The following ANKRD30B variants were observed in gnomAD, a reference collection of about 807,000 sequenced individuals.
The protein encoded by ANKRD30B is ankyrin repeat domain-containing protein 30B.
A neutral mutation model predicts 202.2 loss-of-function variants in ANKRD30B; 144 were observed. The ratio of observed to expected loss-of-function variants is 0.71; its 90% confidence interval spans 0.62 to 0.82. The LOEUF (loss-of-function observed/expected upper bound fraction) is 0.82, where lower values mean the gene tolerates loss of function less well. Among genes scored for constraint, ANKRD30B ranks in the 40% least tolerant of loss-of-function variants. The pLI, the probability that ANKRD30B is intolerant of heterozygous loss-of-function variation, is 0.00. For missense variants in ANKRD30B, 1,487 were observed against 1,669.1 expected, an observed-to-expected ratio of 0.89 and a Z score of 1.90; for synonymous variants, 508 against 561.3, an observed-to-expected ratio of 0.91 and a Z score of 1.34.
the ANKRD30B span, among the ~76,000 whole-genome samples, chr18:14,933,081 C>G: frequency 6.6e-6 from 1 of 152,206 alleles, no homozygotes; most frequent in East Asian, 1.9e-4. Flanking sequence ...ATGCACGAAT[C>G]TAAACAAATT....
At position 14,791,411 on chromosome 18, in the gene ANKRD30B, A is replaced by C; in HGVS notation, c.1745A>C (p.Glu582Ala). 1 of 1,608,088 alleles carries C rather than the reference A, an allele frequency of 6.2e-7. No homozygotes were observed. The highest frequency in any genetic ancestry group is 8.5e-7 in the Non-Finnish European group (1 of 1,177,772). ...ENSWDSESPC[E>A]TVSQKDVYLP... is the part of the protein sequence containing the mutation. ...TATTACTTTTAACAGAGTCCCTGTG[A>C]GACGGTTTCACAGAAGGATGTGTAT... Residue 582 changes from glutamate to alanine, a missense_variant, in exon 16 of 44, where the codon GAG (glutamate) becomes GCG (alanine). Physicochemically the swap from Glu to Ala is moderately radical, Grantham distance 107. Around this residue, in one of 6 missense-constraint regions of ANKRD30B, gnomAD observed 889 missense variants for 841.4 expected, o/e 1.06. Coordinates refer to ENST00000690538, the MANE Select transcript of ANKRD30B (RefSeq NM_001367607.2).
downstream of ANKRD30B, among the ~76,000 whole-genome samples, chr18:14,856,333 C>A (rs1972105916): frequency 8.1e-6 from 1 of 123,798 alleles, no homozygotes; most frequent in Non-Finnish European, 1.8e-5. Flanking sequence ...AGGCGCTCCT[C>A]ACCTCCCAGA....
rs1185301207 is a variant in ANKRD30B at position 14,763,846 on chromosome 18, G to T, written c.981G>T (p.Lys327Asn). Reference sequence around the variant, plus strand: ...GTCTGGGGAAAGCAACATCTGGAAAGTTTGAACAGTCAACAGAAGAAACAC... The same window carrying T: ...GTCTGGGGAAAGCAACATCTGGAAATTTTGAACAGTCAACAGAAGAAACAC... ...IQCLGKATSG[K>N]FEQSTEETPR... Residue 327 changes from lysine (K) to asparagine (N), a missense_variant, in exon 7 of 44, where the codon AAG becomes AAT. By Grantham distance (94) the Lys-to-Asn change is moderately conservative. Transcript: ENST00000690538. 2 of 1,613,132 alleles carry T rather than the reference G, an allele frequency of 1.2e-6. No individual in the cohort carries two copies. Among genetic ancestry groups the T allele is most frequent in the Non-Finnish European group, 1.7e-6 (2 of 1,179,536 alleles).
At chr18:14,755,777 C>A (rs1914251527) in intron 4 of ANKRD30B, among the ~76,000 whole-genome samples, 1 of 152,108 alleles carries the variant, frequency 6.6e-6, no homozygotes, top group African/African-American at 2.4e-5. Flanking sequence ...TGTATATGTG[C>A]CACATTTTCT....
chr18:14,922,066 G>A, the ANKRD30B span, among the ~76,000 whole-genome samples: 1 of 152,202 alleles, frequency 6.6e-6, no homozygotes, highest in South Asian at 2.1e-4. Flanking sequence ...GCATTGAAGA[G>A]GGTAGGAAAG....
chr18:14,754,686 A>G (rs1195204244), intron 3 of ANKRD30B, among the ~76,000 whole-genome samples: 1 of 152,196 alleles, frequency 6.6e-6, no homozygotes, highest in East Asian at 1.9e-4. Context: ...GGAGATAACC[A>G]GAATTAATGT....
the ANKRD30B span, among the ~76,000 whole-genome samples, chr18:14,886,135 G>A: frequency 0.96 from 146,007 of 151,764 alleles, 70,519 homozygotes; most frequent in Middle Eastern, 1. Flanking sequence ...GTACAAATGT[G>A]AAGGCTATAT....
chr18:14,881,651 G>GA, the ANKRD30B span, among the ~76,000 whole-genome samples: 49 of 152,154 alleles, frequency 3.2e-4, no homozygotes, highest in Middle Eastern at 3.4e-3. Flanking sequence ...AGTGTGAAAG[G>GA]ATTGGTATCA....
intron 7 of ANKRD30B, among the ~76,000 whole-genome samples, chr18:14,768,964 G>T (rs576189005): frequency 6.6e-6 from 1 of 152,312 alleles, no homozygotes; most frequent in Non-Finnish European, 1.5e-5. Flanking sequence ...GAGGGGAAAA[G>T]TGTTCTTAAT....
chr18:14,782,747 T>C (rs771438669), intron 12 of ANKRD30B, 133 bp downstream of exon 12: 1 of 524,434 alleles, frequency 1.9e-6, no homozygotes, highest in Non-Finnish European at 3.2e-6. Flanking sequence ...AGTAAAATGA[T>C]AAGTTATGTA....
intron 6 of ANKRD30B, among the ~76,000 whole-genome samples, chr18:14,760,920 A>G (rs1453461366): frequency 2.6e-5 from 4 of 152,168 alleles, no homozygotes; most frequent in African/African-American, 9.7e-5. Context: ...TATAGGTAAC[A>G]CAATTTTTAA....
At chr18:14,770,591 C>A (rs927492210) in intron 8 of ANKRD30B, among the ~76,000 whole-genome samples, 30 of 152,106 alleles carry the variant, frequency 2.0e-4, no homozygotes, top group African/African-American at 6.8e-4. Flanking sequence ...TGAAAAGAAA[C>A]AATCCCAGGA....
intron 31 of ANKRD30B, 34 bp from the exon 32 acceptor site, chr18:14,822,571 A>G (rs868127626): frequency 1.0e-5 from 11 of 1,053,890 alleles, no homozygotes; most frequent in African/African-American, 8.0e-5. Context: ...AGTATACATT[A>G]TATAGTAATT....
intron 30 of ANKRD30B, among the ~76,000 whole-genome samples, chr18:14,821,748 G>C (rs936514097): frequency 3.9e-5 from 6 of 152,180 alleles, no homozygotes; most frequent in Admixed American, 6.5e-5. Flanking sequence ...ATGAGCCATG[G>C]CACCTGGACT....
the ANKRD30B span, among the ~76,000 whole-genome samples, chr18:14,876,092 T>A: frequency 3.3e-5 from 5 of 151,178 alleles, no homozygotes; most frequent in Admixed American, 6.6e-5. Flanking sequence ...GTCGTGAGAA[T>A]CCTAAAAAGG....
At chr18:14,843,449 C>G (rs1027702384) in intron 39 of ANKRD30B, among the ~76,000 whole-genome samples, 1 of 151,942 alleles carries the variant, frequency 6.6e-6, no homozygotes, top group African/African-American at 2.4e-5. Context: ...GCAGGGAAAG[C>G]TTCAATTTTG....
the ANKRD30B span, among the ~76,000 whole-genome samples, chr18:14,908,941 C>G: frequency 6.6e-6 from 1 of 152,216 alleles, no homozygotes; most frequent in Non-Finnish European, 1.5e-5. Context: ...CTCACTGCCA[C>G]TAGTCCTGCC....
chr18:14,790,867 C>G (rs1218628522), intron 15 of ANKRD30B, among the ~76,000 whole-genome samples: 2 of 151,930 alleles, frequency 1.3e-5, no homozygotes, highest in African/African-American at 2.4e-5. Flanking sequence ...TTTGTTGTGT[C>G]TCTGCCTGGC....
chr18:14,899,458 T>C, the ANKRD30B span, among the ~76,000 whole-genome samples: 1 of 152,260 alleles, frequency 6.6e-6, no homozygotes, highest in Non-Finnish European at 1.5e-5. Context: ...AAAAATTAGC[T>C]CACTTATTTT....
Sources: gnomAD v4.1 joint callset for allele counts (sites outside exome capture counted in the v4.1 genomes callset) on GRCh38, gnomAD v4.1.1 for gene constraint, gnomAD v4.1.1 regional missense constraint, MANE v1.5 for transcripts, NCBI Gene and HGNC (gene_info 2026-07-23, HGNC 2026-07-21) for gene names.